The following STXBP5L variants were observed in gnomAD, a reference collection of about 807,000 sequenced individuals.
STXBP5L encodes the protein syntaxin binding protein 5L, also known as syntaxin-binding protein 5-like.
STXBP5L carries 65 observed loss-of-function variants against 144.5 expected under a neutral mutation model. The observed-to-expected ratio is 0.45, with a 90% confidence interval of 0.37 to 0.55. The LOEUF (loss-of-function observed/expected upper bound fraction) is 0.55, where lower values mean the gene tolerates loss of function less well. Among genes scored for constraint, STXBP5L ranks in the 20% least tolerant of loss-of-function variants. STXBP5L has a pLI of 0.00. For missense variants in STXBP5L, 1,298 were observed against 1,405.5 expected, an observed-to-expected ratio of 0.92 and a Z score of 1.22; for synonymous variants, 505 against 469.6, an observed-to-expected ratio of 1.08 and a Z score of -0.97.
At chr3:121,010,468 A>G (rs918704300) in intron 3 of STXBP5L, among the ~76,000 whole-genome samples, 2 of 151,560 alleles carry the variant, frequency 1.3e-5, no homozygotes, top group African/African-American at 4.8e-5. Context: ...TAGAGAACCT[A>G]GTGTTACAGC....
intron 9 of STXBP5L, among the ~76,000 whole-genome samples, chr3:121,162,243 C>T (rs2046347318): frequency 6.6e-6 from 1 of 152,152 alleles, no homozygotes; most frequent in African/African-American, 2.4e-5. Flanking sequence ...TGATTTCCCA[C>T]ATATTACTTT....
intron 3 of STXBP5L, among the ~76,000 whole-genome samples, chr3:120,971,114 G>A (rs75204714): frequency 0.018 from 2,714 of 152,170 alleles, 39 homozygotes; most frequent in Non-Finnish European, 0.031. Context: ...TAGGGGGGAG[G>A]TTCCAGATTG....
At chr3:121,063,100 G>A (rs1199916034) in intron 5 of STXBP5L, among the ~76,000 whole-genome samples, 7 of 152,166 alleles carry the variant, frequency 4.6e-5, no homozygotes, top group Admixed American at 6.5e-5. Context: ...CTGGTTCTTG[G>A]AATTTTCAAC....
intron 22 of STXBP5L, among the ~76,000 whole-genome samples, chr3:121,394,270 A>G (rs1000331079): frequency 2.6e-5 from 4 of 152,182 alleles, no homozygotes; most frequent in Admixed American, 1.3e-4. Context: ...ATTGATTTTT[A>G]TATACTGAAA....
At chr3:121,062,716 T>C (rs1413818909) in intron 5 of STXBP5L, among the ~76,000 whole-genome samples, 1 of 152,356 alleles carries the variant, frequency 6.6e-6, no homozygotes, top group East Asian at 1.9e-4. Context: ...CTTTTCATTC[T>C]TTTTTTCTAA....
intron 10 of STXBP5L, among the ~76,000 whole-genome samples, chr3:121,217,641 C>T (rs1051022565): frequency 1.3e-5 from 2 of 152,062 alleles, no homozygotes; most frequent in African/African-American, 2.4e-5. Flanking sequence ...TCTTGCTAGC[C>T]CAGATTCCGC....
chr3:121,338,925 A>G (rs548207925), intron 20 of STXBP5L, among the ~76,000 whole-genome samples: 2 of 152,242 alleles, frequency 1.3e-5, no homozygotes, highest in African/African-American at 4.8e-5. Flanking sequence ...TCCTCCTAAA[A>G]AAAGCCAAGG....
chr3:120,943,487 TA>T (rs35752782), intron 2 of STXBP5L, among the ~76,000 whole-genome samples: 15,037 of 151,688 alleles, frequency 0.099, 1,178 homozygotes, highest in Admixed American at 0.2. Flanking sequence ...TAGTAACTAA[TA>T]AGAGTATGAG....
chr3:121,259,846 G>T, intron 18 of STXBP5L, among the ~76,000 whole-genome samples: 1 of 151,110 alleles, frequency 6.6e-6, no homozygotes. Context: ...ATTATAATTT[G>T]AGGTTCTAGA....
intron 9 of STXBP5L, among the ~76,000 whole-genome samples, chr3:121,163,003 G>GT (rs2046375571): frequency 6.6e-6 from 1 of 152,180 alleles, no homozygotes; most frequent in African/African-American, 2.4e-5. Flanking sequence ...CATTGTGGAA[G>GT]ACAGTCTGGC....
chr3:121,185,028 C>A (rs2047317087), intron 9 of STXBP5L, among the ~76,000 whole-genome samples: 1 of 152,148 alleles, frequency 6.6e-6, no homozygotes, highest in Non-Finnish European at 1.5e-5. Context: ...TTGCCACCAC[C>A]AGGCCTGCTT....
chr3:121,221,649 A>T (rs2048977124), intron 10 of STXBP5L, among the ~76,000 whole-genome samples: 1 of 151,598 alleles, frequency 6.6e-6, no homozygotes, highest in African/African-American at 2.4e-5. Context: ...TATACATTTT[A>T]TAGAAATAAC....
intron 2 of STXBP5L, among the ~76,000 whole-genome samples, chr3:120,951,664 G>A (rs550233233): frequency 1.1e-4 from 17 of 152,052 alleles, no homozygotes; most frequent in South Asian, 4.2e-4. Context: ...AACAGGTGCT[G>A]GAGAGGATGT....
intron 5 of STXBP5L, among the ~76,000 whole-genome samples, chr3:121,054,329 T>G (rs1269976372): frequency 6.6e-6 from 1 of 152,058 alleles, no homozygotes; most frequent in Non-Finnish European, 1.5e-5. Context: ...TAGCAAAGAC[T>G]TGGAACCAAC....
At chr3:121,402,801 C>T (rs1560060414) in intron 22 of STXBP5L, among the ~76,000 whole-genome samples, 1 of 151,928 alleles carries the variant, frequency 6.6e-6, no homozygotes, top group Non-Finnish European at 1.5e-5. Context: ...TCTTGTTTAT[C>T]CTTTTGGTTG....
chr3:121,173,323 TATAATAATA>T (rs35583909), intron 9 of STXBP5L, among the ~76,000 whole-genome samples: 14,764 of 146,494 alleles, frequency 0.1, 1,180 homozygotes, highest in Admixed American at 0.21. Context: ...GAACTTAAAA[TATAATAATA>T]ATAATAATAA....
intron 9 of STXBP5L, among the ~76,000 whole-genome samples, chr3:121,190,878 G>A (rs968699758): frequency 6.6e-6 from 1 of 151,862 alleles, no homozygotes; most frequent in African/African-American, 2.4e-5. Context: ...CGGCGGGGCA[G>A]AGACACTCCT....
At chr3:121,189,757 A>ATTTGATTCC (rs1348031663) in intron 9 of STXBP5L, among the ~76,000 whole-genome samples, 10 of 151,824 alleles carry the variant, frequency 6.6e-5, no homozygotes, top group African/African-American at 2.4e-4. Context: ...TTTGTTTGTT[A>ATTTGATTCC]TTTGATTCCC....
At chr3:120,990,850 A>T (rs929009973) in intron 3 of STXBP5L, among the ~76,000 whole-genome samples, 19 of 152,306 alleles carry the variant, frequency 1.2e-4, no homozygotes, top group African/African-American at 3.8e-4. Context: ...TAAAGACTTA[A>T]ATGTTAGACC....
Sources: allele counts gnomAD v4.1 joint callset (sites outside exome capture counted in the v4.1 genomes callset), GRCh38; gene constraint gnomAD v4.1.1; transcripts MANE v1.5; gene names NCBI Gene and HGNC (gene_info 2026-07-23, HGNC 2026-07-21).